UBE3C: variants seen among roughly 807,000 people sequenced by gnomAD.
The protein encoded by UBE3C is ubiquitin protein ligase E3C.
Under a neutral mutation model 129.4 loss-of-function variants are expected in UBE3C, and 42 were observed. That is an observed-to-expected ratio of 0.32 (90% confidence interval 0.25 to 0.42). The LOEUF (loss-of-function observed/expected upper bound fraction) is 0.42, where lower values mean the gene tolerates loss of function less well. Ranked by LOEUF, UBE3C falls within the 10% of genes least tolerant of loss-of-function variation. The probability of loss-of-function intolerance (pLI) is 1.00; values close to 1 mark genes in which losing one functional copy is unlikely to be tolerated. For missense variants in UBE3C, 1,049 were observed against 1,319.1 expected (o/e 0.80, Z 3.17); for synonymous variants, 510 against 492.4 (o/e 1.04, Z -0.47).
chr7:157,212,269 T>G (rs1416687616), intron 13 of UBE3C, among the ~76,000 whole-genome samples: 1 of 152,182 alleles, frequency 6.6e-6, no homozygotes, highest in Non-Finnish European at 1.5e-5. Context: ...ACATTTAAGA[T>G]AAAAAAGATA....
intron 1 of UBE3C, among the ~76,000 whole-genome samples, chr7:157,157,246 C>G (rs1407946717): frequency 6.6e-6 from 1 of 152,106 alleles, no homozygotes; most frequent in Non-Finnish European, 1.5e-5. Context: ...TGCATATAAT[C>G]CTAAGCTGCA....
rs576781975 is a variant in UBE3C at position 157,255,172 on chromosome 7, T to C, written c.2950+862T>C. 7.2e-5 allele frequency among the ~76,000 whole-genome samples: 11 copies of C among 152,154 alleles called. No individual in the cohort carries two copies. In the South Asian group the frequency reaches 2.3e-3, roughly 32 times the overall value. Reference sequence around the variant, plus strand: ...ACGTACATGGGCAAAAAAAACCAGATGTTTAACATAGAAGATAGATAAATG... The same window carrying C: ...ACGTACATGGGCAAAAAAAACCAGACGTTTAACATAGAAGATAGATAAATG... On this transcript the variant is annotated intron_variant, in intron 21 of 22. Coordinates refer to ENST00000348165, the MANE Select transcript of UBE3C (RefSeq NM_014671.3).
intron 9 of UBE3C, among the ~76,000 whole-genome samples, chr7:157,185,814 T>A (rs1048907309): frequency 3.3e-5 from 5 of 152,184 alleles, no homozygotes; most frequent in African/African-American, 1.2e-4. Flanking sequence ...GTCTTAATGT[T>A]AAAGATTCAG....
At chr7:157,206,110 T>C (rs1809426036) in intron 11 of UBE3C, among the ~76,000 whole-genome samples, 1 of 151,836 alleles carries the variant, frequency 6.6e-6, no homozygotes, top group African/African-American at 2.4e-5. Flanking sequence ...TTGATTTGAC[T>C]TGGTAGAGGG....
At chr7:157,171,661 TATATATATATATATATATATATA>T in intron 4 of UBE3C, among the ~76,000 whole-genome samples, 1 of 22,800 alleles carries the variant, frequency 4.4e-5, no homozygotes, top group Non-Finnish European at 1.1e-4. Flanking sequence ...TTAAATATTT[TATATATATATATATATATATATA>T]TATTTTTTTT....
chr7:157,171,658 T>TATATA (rs1343407565), intron 4 of UBE3C, among the ~76,000 whole-genome samples: 1 of 64,738 alleles, frequency 1.5e-5, no homozygotes, highest in African/African-American at 5.2e-5. Flanking sequence ...TTTTTAAATA[T>TATATA]TTTATATATA....
At chr7:157,208,055 CTTTTTTTTTTTT>C (rs35366316) in intron 13 of UBE3C, 120 bp downstream of exon 13, 57 of 93,704 alleles carry the variant, frequency 6.1e-4, no homozygotes, top group East Asian at 2.5e-3. Flanking sequence ...ATTTGCAAGA[CTTTTTTTTTTTT>C]TTTTTTTTTT....
intron 18 of UBE3C, among the ~76,000 whole-genome samples, chr7:157,236,732 T>C (rs977693370): frequency 6.6e-6 from 1 of 151,990 alleles, no homozygotes; most frequent in Non-Finnish European, 1.5e-5. Context: ...CTAAACTCTT[T>C]TTTTTTTCTC....
rs532867060 is a variant in UBE3C, at chr7:157,256,894, A to C, written c.2951-20A>C. 1 of 1,613,798 alleles carries C rather than the reference A, an allele frequency of 6.2e-7. No homozygotes were observed. The highest frequency in any genetic ancestry group is 1.3e-5 in the African/African-American group (1 of 75,028). On this transcript the variant is annotated intron_variant, in intron 21 of 22. Transcript: ENST00000348165. ...GGGTGTGCTTTGCATTTCATAAAGCATGTGTTCATTTTGCCATAGGAGGCT... is the reference window on the plus strand; with the variant it reads ...GGGTGTGCTTTGCATTTCATAAAGCCTGTGTTCATTTTGCCATAGGAGGCT...
At chr7:157,146,467 C>T (rs1164019181) in intron 1 of UBE3C, among the ~76,000 whole-genome samples, 3 of 151,974 alleles carry the variant, frequency 2.0e-5, no homozygotes, top group African/African-American at 4.8e-5. Context: ...GTGATCTGCC[C>T]GCCTGGGCGT....
chr7:157,202,572 G>A (rs750889187), intron 11 of UBE3C, among the ~76,000 whole-genome samples: 6 of 152,132 alleles, frequency 3.9e-5, no homozygotes, highest in Admixed American at 1.3e-4. Flanking sequence ...CAGGAGAATC[G>A]CTTAAACCTG....
intron 5 of UBE3C, among the ~76,000 whole-genome samples, chr7:157,175,574 A>G (rs1808495907): frequency 6.6e-6 from 1 of 152,214 alleles, no homozygotes; most frequent in African/African-American, 2.4e-5. Flanking sequence ...TAAATTGCTT[A>G]TATCTCAACT....
rs759454404 is a variant in UBE3C, at chr7:157,223,257, G to A, written c.2006G>A (p.Gly669Asp). The A allele has an allele frequency of 1.2e-6, 2 of 1,614,152 alleles. No individual in the cohort carries two copies. The highest frequency in any genetic ancestry group is 1.7e-6 in the Non-Finnish European group (2 of 1,179,990). The change falls in exon 16 of 23, where the codon GGT (glycine) becomes GAT (aspartate). Residue 669 changes from glycine to aspartate, a missense_variant. Gly to Asp is a moderately conservative substitution (Grantham distance 94). Coordinates refer to ENST00000348165, the MANE Select transcript of UBE3C (RefSeq NM_014671.3). ...AAGGTTTTAAAATGTGTTTTAGTGG[G>A]TTTGGAGTCCCCGCCGCTGTCTGTG... is the stretch of plus-strand genomic sequence containing the variant. ...IGPLQSTLDVGLESPPLSVSE... is the reference protein window; with the variant it reads ...IGPLQSTLDVDLESPPLSVSE...
intron 18 of UBE3C, among the ~76,000 whole-genome samples, chr7:157,242,872 T>C (rs1414750903): frequency 1.3e-5 from 2 of 152,046 alleles, no homozygotes; most frequent in African/African-American, 2.4e-5. Flanking sequence ...CTGACCAACA[T>C]GGTGAAACCC....
chr7:157,154,409 A>T (rs1289814848), intron 1 of UBE3C, among the ~76,000 whole-genome samples: 1 of 152,158 alleles, frequency 6.6e-6, no homozygotes, highest in Non-Finnish European at 1.5e-5. Flanking sequence ...TTATTTTCTC[A>T]GTATCCTCTC....
intron 10 of UBE3C, among the ~76,000 whole-genome samples, chr7:157,191,061 T>C (rs1808949592): frequency 6.6e-6 from 1 of 152,202 alleles, no homozygotes; most frequent in Non-Finnish European, 1.5e-5. Flanking sequence ...GTTGATGTTA[T>C]AATTTGCCCG....
intron 1 of UBE3C, among the ~76,000 whole-genome samples, chr7:157,140,739 GA>G (rs1807420886): frequency 6.6e-6 from 1 of 152,196 alleles, no homozygotes; most frequent in South Asian, 2.1e-4. Context: ...ACGGGCCACG[GA>G]TGTTGGTCCC....
At chr7:157,186,111 G>T (rs940038149) in intron 9 of UBE3C, among the ~76,000 whole-genome samples, 3 of 152,086 alleles carry the variant, frequency 2.0e-5, no homozygotes, top group African/African-American at 7.2e-5. Context: ...ATAGATTTGT[G>T]TAGCCTTTGA....
At chr7:157,152,150 G>C (rs1461487682) in intron 1 of UBE3C, among the ~76,000 whole-genome samples, 4 of 152,118 alleles carry the variant, frequency 2.6e-5, no homozygotes, top group African/African-American at 9.7e-5. Context: ...ATGGGGGTGG[G>C]CAAAGGGTGT....
Sources: gnomAD v4.1 joint callset for allele counts (sites outside exome capture counted in the v4.1 genomes callset) on GRCh38, gnomAD v4.1.1 for gene constraint, MANE v1.5 for transcripts, NCBI Gene and HGNC (gene_info 2026-07-23, HGNC 2026-07-21) for gene names.